Variants in CAMK2G observed in about 807,000 individuals in gnomAD.
CAMK2G encodes calcium/calmodulin-dependent protein kinase type II subunit gamma.
CAMK2G carries 23 observed loss-of-function variants against 88.7 expected under a neutral mutation model. That is an observed-to-expected ratio of 0.26 (90% CI 0.19 to 0.37). The LOEUF is 0.37. Among genes scored for constraint, CAMK2G ranks in the 10% least tolerant of loss-of-function variants. CAMK2G has a pLI of 1.00. For missense variants in CAMK2G, 476 were observed against 780.8 expected (o/e 0.61, Z 4.65); for synonymous variants, 263 against 294.8 (o/e 0.89, Z 1.11).
chr10:73,861,788 T>C (rs1214845063), intron 2 of CAMK2G, among the ~76,000 whole-genome samples: 1 of 152,204 alleles, frequency 6.6e-6, no homozygotes, highest in Admixed American at 6.5e-5. Flanking sequence ...AACATAATGA[T>C]GCTGATAATA....
Position 73,819,392 on chromosome 10 carries a change from C to A in CAMK2G, c.1363+140G>T, listed in dbSNP as rs1327728463. On this transcript the variant is annotated intron_variant, in intron 19 of 22. Coordinates refer to ENST00000423381, the MANE Select transcript of CAMK2G (RefSeq NM_001367534.1). ...CTCAACAGCACCTCCAGTCTACCCC[C>A]CACCCCCAGCAGAGGCCATGCTCCC... The A allele has an allele frequency of 5.9e-6, 4 of 676,162 alleles. No homozygotes were observed. The East Asian group carries it at 1.1e-4, about 18-fold the overall frequency. The allele number at this position is 676,162 out of a possible 1,614,324, so 41.9% of individuals were successfully genotyped here. A position where few individuals can be genotyped will look rare whatever the true frequency, so the allele number is the denominator to read the frequency against.
chr10:73,862,601 T>C (rs2095430450), intron 2 of CAMK2G, among the ~76,000 whole-genome samples: 2 of 152,148 alleles, frequency 1.3e-5, no homozygotes, highest in African/African-American at 2.4e-5. Context: ...GGAAACAGGT[T>C]TAAAAAGATA....
chr10:73,824,578 G>A (rs899850823), intron 16 of CAMK2G, among the ~76,000 whole-genome samples: 3 of 152,188 alleles, frequency 2.0e-5, no homozygotes, highest in Non-Finnish European at 2.9e-5. Context: ...TGCCCACTGC[G>A]CCCGCCTTCT....
Position 73,854,697 on chromosome 10 carries a change from C to T in CAMK2G, c.221-1451G>A, listed in dbSNP as rs149841150. Among the ~76,000 whole-genome samples, 727 of 152,260 alleles carry T rather than the reference C, an allele frequency of 4.8e-3. 8 individuals are homozygous for T. The highest frequency in any genetic ancestry group is 0.017 in the African/African-American group (703 of 41,542). Reference sequence around the variant, plus strand: ...ACGTTTCCTCAGGGCTGAGGTGCTTCCCTATGTCCCCTCCCCACGAAGCAA... The same window carrying T: ...ACGTTTCCTCAGGGCTGAGGTGCTTTCCTATGTCCCCTCCCCACGAAGCAA... On this transcript the variant is annotated intron_variant, in intron 3 of 22. Transcript: ENST00000423381.
intron 10 of CAMK2G, among the ~76,000 whole-genome samples, chr10:73,843,276 T>TGGTC (rs901010455): frequency 2.0e-5 from 3 of 152,120 alleles, no homozygotes; most frequent in African/African-American, 7.2e-5. Context: ...TTGGCCAGGC[T>TGGTC]GGTGGTCTCG....
Position 73,842,194 on chromosome 10 carries a change from G to T in CAMK2G, c.921C>A (p.Thr307=), listed in dbSNP as rs773767451. ...CTGAGAAGTTCCTGGAGACAAGCAT[G>T]GTCGTGAGGATGGCACCCTGGGGAA... is the stretch of plus-strand genomic sequence containing the variant. ...RRKLKGAILT[T]MLVSRNFSVG... Residue 307 remains threonine (T), a synonymous_variant, in exon 12 of 23, where the codon ACC becomes ACA. Coordinates refer to ENST00000423381, the MANE Select transcript of CAMK2G (RefSeq NM_001367534.1). This position sits in a 1 kb window ranked among gnomAD's most constrained non-coding sequence, Gnocchi z 4.6. The T allele has an allele frequency of 1.9e-6, 3 of 1,612,794 alleles. No individual in the cohort carries two copies. The highest frequency in any genetic ancestry group is 1.7e-6 in the Non-Finnish European group (2 of 1,178,772).
At chr10:73,857,552 G>C (rs1026722182) in intron 3 of CAMK2G, among the ~76,000 whole-genome samples, 2 of 152,200 alleles carry the variant, frequency 1.3e-5, no homozygotes, top group Non-Finnish European at 2.9e-5. Flanking sequence ...CCCTGAATCA[G>C]AATCTGAATT....
At chr10:73,833,672 G>C (rs980294478) in intron 14 of CAMK2G, among the ~76,000 whole-genome samples, 2 of 147,918 alleles carry the variant, frequency 1.4e-5, no homozygotes, top group Non-Finnish European at 3.0e-5. Flanking sequence ...CCCAGCTCAC[G>C]GCAACCTCTG....
Position 73,839,382 on chromosome 10 carries a change from G to A in CAMK2G, c.1009+157C>T, listed in dbSNP as rs1005940187. Among the ~76,000 whole-genome samples, 5 of 152,328 alleles carry A rather than the reference G, an allele frequency of 3.3e-5. No individual in the cohort carries two copies. The highest frequency in any genetic ancestry group is 7.2e-5 in the African/African-American group (3 of 41,592). ...TTAGGGGGCTCCATAACAACGATGC[G>A]CTTGCAGATGCCAAGTTAGGTAGTC... On this transcript the variant is annotated intron_variant, in intron 13 of 22. Transcript: ENST00000423381. The surrounding 1 kb of genome is among the most constrained non-coding windows in gnomAD (Gnocchi z 4.2).
At chr10:73,822,706 G>C (rs1203457515) in intron 17 of CAMK2G, among the ~76,000 whole-genome samples, 1 of 152,012 alleles carries the variant, frequency 6.6e-6, no homozygotes, top group African/African-American at 2.4e-5. Flanking sequence ...CTGAGCTTCA[G>C]TTCCTTCTGC....
intron 2 of CAMK2G, among the ~76,000 whole-genome samples, chr10:73,867,062 C>G (rs953028517): frequency 2.0e-4 from 31 of 152,194 alleles, no homozygotes; most frequent in Admixed American, 2.0e-4. Context: ...TGGTGACTAG[C>G]TGGGGGCTGT....
intron 1 of CAMK2G, among the ~76,000 whole-genome samples, chr10:73,873,789 C>A (rs924220085): frequency 1.5e-5 from 1 of 68,060 alleles, no homozygotes; most frequent in East Asian, 5.3e-4. Context: ...GGTGGGGGGC[C>A]GGGGCTGCTG....
intron 18 of CAMK2G, 39 bp from the exon 19 acceptor site, chr10:73,819,684 G>A (rs533285511): frequency 3.0e-6 from 4 of 1,320,982 alleles, no homozygotes; most frequent in East Asian, 5.0e-5. Flanking sequence ...GCAAGGCAGA[G>A]CAGCCAAAAC....
intron 21 of CAMK2G, 131 bp from the exon 22 acceptor site, chr10:73,815,378 C>T (rs538353880): frequency 1.0e-4 from 67 of 645,758 alleles, no homozygotes; most frequent in Admixed American, 7.8e-4. Context: ...CGCCCCCCCC[C>T]ACCCCCGAAC....
Position 73,839,728 on chromosome 10 carries a change from G to C in CAMK2G, c.947-127C>G. On this transcript the variant is annotated intron_variant, in intron 12 of 22. Coordinates refer to ENST00000423381, the MANE Select transcript of CAMK2G (RefSeq NM_001367534.1). This position sits in a 1 kb window ranked among gnomAD's most constrained non-coding sequence, Gnocchi z 4.2. ...AAGCCAGCCGAGCTGGGGGAGCGGA[G>C]CGCCAGGGGCAGGCTGAGGAGGTAG... 2.1e-6 allele frequency: 1 copy of C among 469,776 alleles called. No homozygotes were observed. The highest frequency in any genetic ancestry group is 3.4e-6 in the Non-Finnish European group (1 of 292,940). 29.1% of individuals were successfully genotyped at this position (469,776 alleles called of 1,614,324 possible).
chr10:73,871,877 C>A (rs904106820), intron 2 of CAMK2G, among the ~76,000 whole-genome samples: 1 of 152,112 alleles, frequency 6.6e-6, no homozygotes, highest in Non-Finnish European at 1.5e-5. Context: ...CGACAGAAGC[C>A]CGTGGAATTG....
At chr10:73,868,208 A>C (rs1385171020) in intron 2 of CAMK2G, among the ~76,000 whole-genome samples, 2 of 152,056 alleles carry the variant, frequency 1.3e-5, no homozygotes, top group African/African-American at 4.8e-5. Flanking sequence ...TCAGCCACTC[A>C]CCTCTAGGGT....
rs371626952 is a variant in CAMK2G, at chr10:73,814,999, G to A, written c.*12+4C>T. ...AGCCCCTCTCCCCCGTCAACCAGGT[G>A]CACCTGTGGCTGAGCTCACTGCAGC... On this transcript the variant is annotated splice_donor_region_variant and intron_variant, in intron 22 of 22. Coordinates refer to ENST00000423381, the MANE Select transcript of CAMK2G (RefSeq NM_001367534.1). 6 of 1,589,406 alleles carry A rather than the reference G, an allele frequency of 3.8e-6. No individual in the cohort carries two copies. The Admixed American group carries it at 6.7e-5, about 18-fold the overall frequency.
rs988300636 is a variant in CAMK2G at position 73,828,137 on chromosome 10, C to A, written c.1054-16G>T. 2 of 1,610,594 alleles carry A rather than the reference C, an allele frequency of 1.2e-6. No individual in the cohort carries two copies. The highest frequency in any genetic ancestry group is 1.3e-5 in the African/African-American group (1 of 74,960). On this transcript the variant is annotated splice_polypyrimidine_tract_variant and intron_variant, in intron 14 of 22. Transcript: ENST00000423381. ...ACTTCCTTTTCTGGACACACCACAG[C>A]AAGAGGGAAAGAGAAGGGGAAAGAG...
Sources: gnomAD v4.1 joint callset for allele counts (sites outside exome capture counted in the v4.1 genomes callset) on GRCh38, gnomAD v4.1.1 for gene constraint, Gnocchi (gnomAD v3.1) non-coding constraint, MANE v1.5 for transcripts, NCBI Gene and HGNC (gene_info 2026-07-23, HGNC 2026-07-21) for gene names.